APBB2: variants seen among roughly 807,000 people sequenced by gnomAD.
APBB2 encodes the protein Fe65-like 1.
APBB2 carries 38 observed loss-of-function variants against 82.5 expected under a neutral mutation model. That is an observed-to-expected ratio of 0.46 (90% CI 0.36 to 0.60). APBB2 has a LOEUF of 0.60. Among genes scored for constraint, APBB2 ranks in the 20% least tolerant of loss-of-function variants. The pLI, the probability that APBB2 is intolerant of heterozygous loss-of-function variation, is 0.00. For synonymous variants in APBB2, 341 were observed against 368.2 expected (o/e 0.93, Z 0.85); for missense variants, 772 against 972.3 (o/e 0.79, Z 2.74).
At chr4:40,883,923 A>C (rs183612412) in intron 12 of APBB2, among the ~76,000 whole-genome samples, 3 of 152,264 alleles carry the variant, frequency 2.0e-5, no homozygotes, top group Non-Finnish European at 4.4e-5. Context: ...ACCCACAAAA[A>C]CGAGGCTCAG....
At chr4:41,193,639 T>C in intron 1 of APBB2, 2 of 872,470 alleles carry the variant, frequency 2.3e-6, no homozygotes, top group Non-Finnish European at 2.8e-6. Context: ...TTATTACTTC[T>C]GCAGGTCTCC....
At chr4:41,048,381 C>T (rs1002414612) in intron 4 of APBB2, among the ~76,000 whole-genome samples, 6 of 152,148 alleles carry the variant, frequency 3.9e-5, no homozygotes, top group Admixed American at 6.6e-5. Flanking sequence ...ACACTCACCC[C>T]GTAACTGCTA....
chr4:40,993,359 CTCTTTTT>C (rs1289828804), intron 6 of APBB2, among the ~76,000 whole-genome samples: 2 of 125,952 alleles, frequency 1.6e-5, no homozygotes, highest in Non-Finnish European at 3.3e-5. Flanking sequence ...GAACTCTTCT[CTCTTTTT>C]TTTTTTTTTT....
chr4:41,089,275 T>C (rs976388719), intron 3 of APBB2, among the ~76,000 whole-genome samples: 1 of 152,208 alleles, frequency 6.6e-6, no homozygotes, highest in African/African-American at 2.4e-5. Flanking sequence ...CTTCAGATTT[T>C]TGGGATTTTG....
chr4:41,159,218 C>G (rs1414997835), intron 1 of APBB2, among the ~76,000 whole-genome samples: 1 of 152,184 alleles, frequency 6.6e-6, no homozygotes, highest in Non-Finnish European at 1.5e-5. Flanking sequence ...TTAAATCGAC[C>G]TTTCCCTTTC....
At chr4:40,922,957 T>C (rs568680814) in intron 10 of APBB2, among the ~76,000 whole-genome samples, 4 of 147,898 alleles carry the variant, frequency 2.7e-5, no homozygotes, top group Non-Finnish European at 4.5e-5. Flanking sequence ...GGAAAAACCA[T>C]CAGTTCTCCA....
At chr4:41,182,171 A>T (rs1771599403) in intron 1 of APBB2, among the ~76,000 whole-genome samples, 2 of 152,150 alleles carry the variant, frequency 1.3e-5, no homozygotes, top group Non-Finnish European at 2.9e-5. Context: ...TGTAAAGTCA[A>T]GGGCTGTCTA....
intron 2 of APBB2, among the ~76,000 whole-genome samples, chr4:41,142,075 A>T (rs1302899971): frequency 6.6e-6 from 1 of 152,192 alleles, no homozygotes; most frequent in Non-Finnish European, 1.5e-5. Context: ...AATCTGGATG[A>T]TTTATTAAAA....
chr4:41,000,888 A>C (rs1160032424), intron 6 of APBB2, among the ~76,000 whole-genome samples: 1 of 152,128 alleles, frequency 6.6e-6, no homozygotes, highest in South Asian at 2.1e-4. Context: ...AGAGAGAGAG[A>C]TAGGACATCA....
intron 10 of APBB2, among the ~76,000 whole-genome samples, chr4:40,933,221 T>G (rs73809204): frequency 0.03 from 4,514 of 152,294 alleles, 195 homozygotes; most frequent in African/African-American, 0.091. Flanking sequence ...TGGGGATACT[T>G]GTAAGTGCAA....
At chr4:40,935,611 T>C (rs1280727369) in intron 7 of APBB2, 1 of 153,124 alleles carries the variant, frequency 6.5e-6, no homozygotes, top group Non-Finnish European at 1.5e-5. Flanking sequence ...GGGGTCAAGA[T>C]ATTTTCACTT....
intron 12 of APBB2, chr4:40,881,534 C>CTTTT (rs71198611): frequency 2.1e-4 from 31 of 145,872 alleles, no homozygotes; most frequent in Non-Finnish European, 3.5e-4. Context: ...TTTTCTTTTT[C>CTTTT]TTTTTTTTTT....
chr4:40,969,135 C>T (rs1268775490), intron 6 of APBB2, among the ~76,000 whole-genome samples: 1 of 152,176 alleles, frequency 6.6e-6, no homozygotes, highest in Non-Finnish European at 1.5e-5. Context: ...TCAGATATGT[C>T]TTTTTCAGCA....
At chr4:40,967,224 C>T (rs867347189) in intron 6 of APBB2, among the ~76,000 whole-genome samples, 1 of 152,144 alleles carries the variant, frequency 6.6e-6, no homozygotes, top group Non-Finnish European at 1.5e-5. Context: ...CAATAAAGCA[C>T]CTCTTCACCT....
intron 12 of APBB2, chr4:40,881,534 C>CTTTTTTTTT (rs71198611): frequency 5.6e-4 from 82 of 145,870 alleles, no homozygotes; most frequent in African/African-American, 1.2e-3. Flanking sequence ...TTTTCTTTTT[C>CTTTTTTTTT]TTTTTTTTTT....
At chr4:41,029,939 G>A (rs1462602427) in intron 5 of APBB2, among the ~76,000 whole-genome samples, 13 of 152,008 alleles carry the variant, frequency 8.6e-5, no homozygotes, top group Non-Finnish European at 1.2e-4. Context: ...GGCGGATCAC[G>A]AGGTCAGAAG....
intron 5 of APBB2, among the ~76,000 whole-genome samples, chr4:41,025,103 A>G (rs1560553169): frequency 1.3e-5 from 2 of 152,208 alleles, no homozygotes; most frequent in Admixed American, 1.3e-4. Context: ...AGTGCACTCA[A>G]TAAAAATCCT....
At chr4:40,821,839 A>G (rs772581366) in intron 17 of APBB2, 32 bp downstream of exon 17, 2 of 1,604,176 alleles carry the variant, frequency 1.2e-6, no homozygotes. Flanking sequence ...CAGAGGCGGG[A>G]GGGCTCAACA....
At chr4:41,087,095 A>G (rs1012509261) in intron 3 of APBB2, among the ~76,000 whole-genome samples, 2 of 152,158 alleles carry the variant, frequency 1.3e-5, no homozygotes, top group African/African-American at 4.8e-5. Context: ...AATTGTGATC[A>G]CACCACTGCA....
Sources: gnomAD v4.1 joint callset for allele counts (sites outside exome capture counted in the v4.1 genomes callset) on GRCh38, gnomAD v4.1.1 for gene constraint, MANE v1.5 for transcripts, NCBI Gene and HGNC (gene_info 2026-07-23, HGNC 2026-07-21) for gene names.